NLGN1: variants seen among roughly 807,000 people sequenced by gnomAD.
NLGN1 encodes the protein neuroligin-1.
NLGN1 carries 12 observed loss-of-function variants against 65.5 expected under a neutral mutation model. That is an observed-to-expected ratio of 0.18 (90% confidence interval 0.12 to 0.30). The LOEUF is 0.30. NLGN1 is among the 10% of genes least tolerant of loss of function. The pLI, the probability that NLGN1 is intolerant of heterozygous loss-of-function variation, is 1.00. For synonymous variants in NLGN1, 350 were observed against 359.5 expected (o/e 0.97, Z 0.30); for missense variants, 750 against 1,007.1 (o/e 0.74, Z 3.46).
chr3:173,817,810 A>G (rs997913773), intron 4 of NLGN1, among the ~76,000 whole-genome samples: 9 of 152,184 alleles, frequency 5.9e-5, no homozygotes, highest in African/African-American at 1.4e-4. Flanking sequence ...CCTAAAAAGG[A>G]TATCTTATTA....
intron 4 of NLGN1, among the ~76,000 whole-genome samples, chr3:173,847,740 C>T (rs1464139998): frequency 1.3e-5 from 2 of 152,104 alleles, no homozygotes; most frequent in Non-Finnish European, 2.9e-5. Flanking sequence ...GGTGTGGTGG[C>T]ATGCGCCTGT....
chr3:174,151,162 CA>C (rs11363124), intron 4 of NLGN1, among the ~76,000 whole-genome samples: 53,876 of 148,138 alleles, frequency 0.36, 11,310 homozygotes, highest in African/African-American at 0.59. Flanking sequence ...CATAGAAAGC[CA>C]AAAAAAAAAT....
At chr3:174,083,011 G>A (rs1401914330) in intron 4 of NLGN1, among the ~76,000 whole-genome samples, 1 of 152,158 alleles carries the variant, frequency 6.6e-6, no homozygotes, top group Non-Finnish European at 1.5e-5. Context: ...ACAGGCATGA[G>A]CCACCATGCC....
intron 2 of NLGN1, among the ~76,000 whole-genome samples, chr3:173,550,882 T>C (rs1420813319): frequency 6.6e-6 from 1 of 152,192 alleles, no homozygotes; most frequent in Non-Finnish European, 1.5e-5. Context: ...CGCTACATTG[T>C]ATAAGGGATA....
intron 2 of NLGN1, among the ~76,000 whole-genome samples, chr3:173,577,902 C>T (rs1343530143): frequency 6.6e-6 from 1 of 152,000 alleles, no homozygotes; most frequent in East Asian, 1.9e-4. Flanking sequence ...TAGATAGAGA[C>T]AGAGAGACAA....
chr3:173,531,778 T>C (rs1181598572), intron 2 of NLGN1, among the ~76,000 whole-genome samples: 2 of 152,164 alleles, frequency 1.3e-5, no homozygotes, highest in Admixed American at 1.3e-4. Context: ...TACCTTACAT[T>C]TGATTCTTTT....
intron 4 of NLGN1, among the ~76,000 whole-genome samples, chr3:174,211,590 C>G (rs544259911): frequency 6.6e-6 from 1 of 150,756 alleles, no homozygotes; most frequent in African/African-American, 2.4e-5. Context: ...TCTCCACGTC[C>G]CCACCAGAGC....
intron 4 of NLGN1, among the ~76,000 whole-genome samples, chr3:174,006,350 C>T (rs913478970): frequency 5.3e-5 from 8 of 152,138 alleles, no homozygotes; most frequent in Non-Finnish European, 1.0e-4. Context: ...GTTTTTCTGT[C>T]CCTCATTCAA....
intron 2 of NLGN1, among the ~76,000 whole-genome samples, chr3:173,602,587 T>C (rs1454701905): frequency 6.6e-6 from 1 of 152,060 alleles, no homozygotes; most frequent in Non-Finnish European, 1.5e-5. Flanking sequence ...AGGAGTGTTA[T>C]TTTGTTAATA....
At chr3:173,732,839 A>ATTTTTAT (rs1773069667) in intron 3 of NLGN1, among the ~76,000 whole-genome samples, 1 of 152,214 alleles carries the variant, frequency 6.6e-6, no homozygotes, top group Admixed American at 6.6e-5. Flanking sequence ...GGTAAAACAT[A>ATTTTTAT]TCAGTTTATT....
At chr3:173,432,715 A>G (rs967601055) in intron 1 of NLGN1, among the ~76,000 whole-genome samples, 2 of 151,420 alleles carry the variant, frequency 1.3e-5, no homozygotes, top group East Asian at 1.9e-4. Context: ...CATTTTTTTT[A>G]TTGTAATCAA....
At chr3:173,514,615 C>T (rs1416906498) in intron 2 of NLGN1, among the ~76,000 whole-genome samples, 1 of 152,134 alleles carries the variant, frequency 6.6e-6, no homozygotes, top group Non-Finnish European at 1.5e-5. Flanking sequence ...AGAATTTATT[C>T]ATCTTGGAAA....
intron 3 of NLGN1, among the ~76,000 whole-genome samples, chr3:173,716,542 A>G (rs1277503815): frequency 6.6e-6 from 1 of 152,086 alleles, no homozygotes; most frequent in African/African-American, 2.4e-5. Flanking sequence ...TTTGGAGCTC[A>G]TCAGAGCCCA....
chr3:174,025,354 A>G (rs1560868866), intron 4 of NLGN1, among the ~76,000 whole-genome samples: 1 of 152,210 alleles, frequency 6.6e-6, no homozygotes, highest in Non-Finnish European at 1.5e-5. Flanking sequence ...CAAAACATAA[A>G]TAAATTAAGA....
At chr3:173,728,902 T>C (rs1414568923) in intron 3 of NLGN1, among the ~76,000 whole-genome samples, 2 of 152,108 alleles carry the variant, frequency 1.3e-5, no homozygotes, top group Non-Finnish European at 2.9e-5. Context: ...TTCTCTCATT[T>C]TAAGCCACCG....
intron 4 of NLGN1, among the ~76,000 whole-genome samples, chr3:173,835,326 A>G (rs1188411857): frequency 2.0e-5 from 3 of 152,144 alleles, no homozygotes; most frequent in Non-Finnish European, 4.4e-5. Context: ...GTACAACAAG[A>G]GGAAAGGCTT....
intron 3 of NLGN1, among the ~76,000 whole-genome samples, chr3:173,711,648 C>G (rs1420765551): frequency 6.6e-6 from 1 of 152,116 alleles, no homozygotes; most frequent in Admixed American, 6.6e-5. Context: ...ACTTCTTTTG[C>G]CCGGGAACCT....
intron 4 of NLGN1, among the ~76,000 whole-genome samples, chr3:174,028,132 C>T (rs184716186): frequency 6.6e-6 from 1 of 152,220 alleles, no homozygotes; most frequent in African/African-American, 2.4e-5. Flanking sequence ...AACCTCTTTT[C>T]CTTAAAAAGA....
exon 6 of NLGN1, chr3:174,278,864 T>G: frequency 6.8e-7 from 1 of 1,477,994 alleles, no homozygotes; most frequent in South Asian, 1.5e-5. Context: ...CCCATAGGAC[T>G]TTTTCAACGA....
Sources: allele counts gnomAD v4.1 joint callset (sites outside exome capture counted in the v4.1 genomes callset), GRCh38; gene constraint gnomAD v4.1.1; transcripts MANE v1.5; gene names NCBI Gene and HGNC (gene_info 2026-07-23, HGNC 2026-07-21).